CADM2: variants seen among roughly 807,000 people sequenced by gnomAD.
CADM2 encodes the protein immunoglobulin superfamily member 4D.
Under a neutral mutation model 49.8 loss-of-function variants are expected in CADM2, and 12 were observed. That is an observed-to-expected ratio of 0.24 (90% confidence interval 0.15 to 0.39). The LOEUF (loss-of-function observed/expected upper bound fraction) is 0.39, where lower values mean the gene tolerates loss of function less well. Ranked by LOEUF, CADM2 falls within the 10% of genes least tolerant of loss-of-function variation. The pLI is 1.00. For missense variants in CADM2, 378 were observed against 492.3 expected (o/e 0.77, Z 2.20); for synonymous variants, 214 against 175.4 (o/e 1.22, Z -1.74).
chr3:85,733,354 G>A (rs934342925), intron 2 of CADM2, among the ~76,000 whole-genome samples: 1 of 152,150 alleles, frequency 6.6e-6, no homozygotes, highest in African/African-American at 2.4e-5. Flanking sequence ...AATTTTAGTT[G>A]TTTCTAAAGT....
At chr3:85,672,145 C>G (rs918945208) in intron 1 of CADM2, among the ~76,000 whole-genome samples, 2 of 149,448 alleles carry the variant, frequency 1.3e-5, no homozygotes, top group African/African-American at 4.9e-5. Context: ...AAGAAATAAA[C>G]AGACAAGTAA....
Position 85,473,442 on chromosome 3 carries a change from G to A in CADM2, c.62-253080G>A, listed in dbSNP as rs548239418. Among the ~76,000 whole-genome samples the A allele has an allele frequency of 2.4e-4, 37 of 152,094 alleles. No homozygotes were observed. The South Asian group carries it at 3.7e-3, about 15-fold the overall frequency. ...ATCACTGCACCAGTCTTTTAATTAG[G>A]CAGTGAAATCATCTGCATAGTGATT... On this transcript the variant is annotated intron_variant, in intron 1 of 9. Transcript: ENST00000383699.
At chr3:85,966,413 T>C (rs908159379) in intron 8 of CADM2, among the ~76,000 whole-genome samples, 1 of 151,676 alleles carries the variant, frequency 6.6e-6, no homozygotes, top group Non-Finnish European at 1.5e-5. Context: ...TATGTGAGTG[T>C]TAAAATTATT....
intron 3 of CADM2, among the ~76,000 whole-genome samples, chr3:85,815,151 A>AATTCTAC (rs915625943): frequency 3.3e-5 from 5 of 152,152 alleles, no homozygotes; most frequent in Non-Finnish European, 5.9e-5. Context: ...TTCACAGCCG[A>AATTCTAC]ATTCTACAAG....
intron 5 of CADM2, among the ~76,000 whole-genome samples, chr3:85,888,511 G>C (rs1380561376): frequency 2.0e-5 from 3 of 152,176 alleles, no homozygotes; most frequent in Admixed American, 2.0e-4. Flanking sequence ...ATGCAGTACT[G>C]AAAACTTGTG....
At chr3:85,067,206 T>C (rs1281512517) in intron 1 of CADM2, among the ~76,000 whole-genome samples, 2 of 152,096 alleles carry the variant, frequency 1.3e-5, no homozygotes, top group Non-Finnish European at 2.9e-5. Context: ...AAAGTATCAC[T>C]TATTTTAGGA....
chr3:85,730,440 TAAATAAAATAAAATAAAATAAAATA>T (rs57097045), intron 2 of CADM2, among the ~76,000 whole-genome samples: 1 of 146,014 alleles, frequency 6.8e-6, no homozygotes, highest in Non-Finnish European at 1.5e-5. Context: ...AGACTCTGTC[TAAATAAAATAAAATAAAATAAAATA>T]AAATAAAATA....
chr3:85,646,288 A>G (rs2064882520), intron 1 of CADM2, among the ~76,000 whole-genome samples: 1 of 151,976 alleles, frequency 6.6e-6, no homozygotes, highest in Non-Finnish European at 1.5e-5. Flanking sequence ...TCAGATAATC[A>G]TTCCACAATA....
intron 1 of CADM2, among the ~76,000 whole-genome samples, chr3:85,301,818 G>A (rs1026669052): frequency 2.6e-5 from 4 of 151,948 alleles, no homozygotes; most frequent in African/African-American, 7.2e-5. Flanking sequence ...ATGAGCTCAG[G>A]TCTCCTGACA....
At chr3:85,337,952 C>A (rs2045134836) in intron 1 of CADM2, among the ~76,000 whole-genome samples, 1 of 151,584 alleles carries the variant, frequency 6.6e-6, no homozygotes, top group African/African-American at 2.4e-5. Flanking sequence ...TGTAGGGATA[C>A]ATTTACAGTG....
chr3:85,711,644 G>T (rs1028404043), intron 1 of CADM2, among the ~76,000 whole-genome samples: 1 of 151,752 alleles, frequency 6.6e-6, no homozygotes, highest in Non-Finnish European at 1.5e-5. Context: ...TTCCTTCAAG[G>T]CGATCCCATT....
In CADM2 at chr3:85,879,195, A is replaced by G. The variant is rs533978636; in HGVS notation, c.239-4096A>G. 5.9e-5 allele frequency among the ~76,000 whole-genome samples: 9 copies of G among 151,946 alleles called. No homozygotes were observed. The East Asian group carries it at 1.5e-3, about 26-fold the overall frequency. ...TTGTGCCCTACTACTTTCCTCTGGC[A>G]GCTAAACAAGGCATCTATATCATGG... On this transcript the variant is annotated intron_variant, in intron 3 of 9. Coordinates refer to ENST00000383699, the MANE Select transcript of CADM2 (RefSeq NM_001167675.2).
intron 1 of CADM2, among the ~76,000 whole-genome samples, chr3:85,284,689 A>ATAT (rs1238160831): frequency 2.0e-5 from 3 of 152,104 alleles, no homozygotes. Context: ...ATAGTGATCA[A>ATAT]GTGAGTGATA....
At chr3:85,778,389 A>G (rs2070463574) in intron 2 of CADM2, among the ~76,000 whole-genome samples, 1 of 152,156 alleles carries the variant, frequency 6.6e-6, no homozygotes, top group Non-Finnish European at 1.5e-5. Context: ...TTCACCTTGA[A>G]TTGTAATCCC....
chr3:85,972,808 A>G (rs1408585317), intron 8 of CADM2, among the ~76,000 whole-genome samples: 1 of 151,708 alleles, frequency 6.6e-6, no homozygotes, highest in Non-Finnish European at 1.5e-5. Context: ...TCCTTTTGAC[A>G]AGGTTATACA....
At chr3:85,323,772 T>C (rs2044677410) in intron 1 of CADM2, among the ~76,000 whole-genome samples, 1 of 152,182 alleles carries the variant, frequency 6.6e-6, no homozygotes, top group Non-Finnish European at 1.5e-5. Flanking sequence ...GCTAAAACAG[T>C]GTCATACCTT....
intron 3 of CADM2, among the ~76,000 whole-genome samples, chr3:85,818,957 G>C (rs2073390108): frequency 6.6e-6 from 1 of 151,884 alleles, no homozygotes; most frequent in African/African-American, 2.4e-5. Context: ...ACCAGATGAA[G>C]TCCCATGATG....
At chr3:85,294,701 A>G (rs1308529961) in intron 1 of CADM2, among the ~76,000 whole-genome samples, 1 of 150,858 alleles carries the variant, frequency 6.6e-6, no homozygotes, top group Non-Finnish European at 1.5e-5. Flanking sequence ...AGGATTCCCT[A>G]TTTAATAAAT....
chr3:85,718,882 T>TTTTTTATTA (rs1553671800), intron 1 of CADM2, among the ~76,000 whole-genome samples: 15 of 141,338 alleles, frequency 1.1e-4, no homozygotes, highest in African/African-American at 3.4e-4. Flanking sequence ...TTAATGGTAT[T>TTTTTTATTA]TTATTATTAT....
Sources: allele counts gnomAD v4.1 joint callset (sites outside exome capture counted in the v4.1 genomes callset), GRCh38; gene constraint gnomAD v4.1.1; transcripts MANE v1.5; gene names NCBI Gene and HGNC (gene_info 2026-07-23, HGNC 2026-07-21).